The following NCALD variants were observed in gnomAD, a reference collection of about 807,000 sequenced individuals.
NCALD encodes the protein neurocalcin-delta.
A neutral mutation model predicts 18.6 loss-of-function variants in NCALD; 10 were observed. The observed-to-expected ratio is 0.54, with a 90% CI of 0.33 to 0.91. The LOEUF (loss-of-function observed/expected upper bound fraction) is 0.91. Ranked by LOEUF, NCALD falls within the 40% of genes least tolerant of loss-of-function variation. The pLI is 0.03. For synonymous variants in NCALD, 88 were observed against 87.4 expected, an observed-to-expected ratio of 1.01 and a Z score of -0.04; for missense variants, 184 against 247.6, an observed-to-expected ratio of 0.74 and a Z score of 1.72.
chr8:101,940,714 A>T (rs1168269024), intron 2 of NCALD, among the ~76,000 whole-genome samples: 1 of 152,180 alleles, frequency 6.6e-6, no homozygotes, highest in Non-Finnish European at 1.5e-5. Flanking sequence ...GACAAAAGAC[A>T]CTATAAAGCA....
chr8:101,984,156 T>C (rs1029824904), intron 2 of NCALD, among the ~76,000 whole-genome samples: 1 of 152,188 alleles, frequency 6.6e-6, no homozygotes, highest in Non-Finnish European at 1.5e-5. Flanking sequence ...CCTTATTACT[T>C]GGACAGTTCT....
In NCALD at chr8:101,776,851, G is replaced by A. The variant is rs146761251; in HGVS notation, c.-20+14011C>T. The stretch of plus-strand genomic sequence containing the variant: ...TACTGACACCTATTGAACTGCGGAC[G>A]CAACCTTTCTGCTAAAACAAAACAG... On this transcript the variant is annotated intron_variant, in intron 1 of 3. Transcript: ENST00000220931. 5.8e-3 allele frequency among the ~76,000 whole-genome samples: 881 copies of A among 152,228 alleles called. 6 individuals carry two copies. The highest frequency in any genetic ancestry group is 0.033 in the East Asian group (172 of 5,178).
At chr8:101,798,607 A>C (rs373536297) in intron 4 of NCALD, among the ~76,000 whole-genome samples, 2 of 152,352 alleles carry the variant, frequency 1.3e-5, no homozygotes, top group South Asian at 4.1e-4. Context: ...GAATTAACAC[A>C]ATTCTAATCA....
At chr8:101,817,508 T>C (rs931603131) in intron 4 of NCALD, among the ~76,000 whole-genome samples, 1 of 151,728 alleles carries the variant, frequency 6.6e-6, no homozygotes, top group African/African-American at 2.4e-5. Context: ...TCTGACAGCA[T>C]AAATAATGCA....
chr8:101,715,155 A>G (rs552456772), intron 2 of NCALD, among the ~76,000 whole-genome samples: 69 of 152,308 alleles, frequency 4.5e-4, no homozygotes, highest in African/African-American at 1.7e-3. Context: ...AACAGAACAG[A>G]GGCCTCAAAA....
At chr8:102,098,301 T>C (rs7837308) in intron 1 of NCALD, among the ~76,000 whole-genome samples, 36,373 of 151,978 alleles carry the variant, frequency 0.24, 4,634 homozygotes, top group African/African-American at 0.28. Flanking sequence ...GAGAGAGCAA[T>C]TGGGGTATTT....
At chr8:101,810,762 A>C (rs1743233151) in intron 4 of NCALD, among the ~76,000 whole-genome samples, 1 of 152,146 alleles carries the variant, frequency 6.6e-6, no homozygotes, top group Non-Finnish European at 1.5e-5. Context: ...AGAGCTGCTA[A>C]TGCCTATTTC....
At chr8:101,770,526 G>GC (rs1208879218) in intron 1 of NCALD, among the ~76,000 whole-genome samples, 2 of 152,034 alleles carry the variant, frequency 1.3e-5, no homozygotes, top group Non-Finnish European at 2.9e-5. Context: ...CAAACTCCTG[G>GC]GGGGGCTTCC....
At chr8:101,994,738 C>A (rs979499045) in intron 2 of NCALD, among the ~76,000 whole-genome samples, 2 of 152,190 alleles carry the variant, frequency 1.3e-5, no homozygotes, top group Admixed American at 6.5e-5. Flanking sequence ...GCTCATTACT[C>A]TCAATGATGA....
At chr8:102,000,096 C>T (rs1300060404) in intron 2 of NCALD, among the ~76,000 whole-genome samples, 2 of 152,166 alleles carry the variant, frequency 1.3e-5, no homozygotes, top group African/African-American at 4.8e-5. Flanking sequence ...CATTGCCTCA[C>T]CCAGGAAGTG....
At position 101,768,617 on chromosome 8, in the gene NCALD, G is replaced by A. The variant is rs149777876; in HGVS notation, c.-20+22245C>T. 3.4e-3 allele frequency among the ~76,000 whole-genome samples: 520 copies of A among 151,932 alleles called. 5 individuals carry two copies. The highest frequency in any genetic ancestry group is 0.012 in the African/African-American group (499 of 41,448). On this transcript the variant is annotated intron_variant, in intron 1 of 3. Transcript: ENST00000220931. ...CCAGCTACTTGGGAGGCTGAGGCAC[G>A]AGAATTGCTTGAACCCGGGAGGCGG...
chr8:101,876,627 C>A (rs1816238824), intron 4 of NCALD, among the ~76,000 whole-genome samples: 1 of 152,178 alleles, frequency 6.6e-6, no homozygotes, highest in South Asian at 2.1e-4. Context: ...ACCCACTCTG[C>A]CAAGCCACAG....
chr8:101,982,543 A>G (rs1820659313), intron 2 of NCALD, among the ~76,000 whole-genome samples: 1 of 152,202 alleles, frequency 6.6e-6, no homozygotes, highest in Non-Finnish European at 1.5e-5. Context: ...GATTTCTCAT[A>G]CATAAAAAAT....
intron 4 of NCALD, among the ~76,000 whole-genome samples, chr8:101,877,110 T>C (rs1281384192): frequency 6.6e-6 from 1 of 152,246 alleles, no homozygotes; most frequent in African/African-American, 2.4e-5. Context: ...TCAGCTATTG[T>C]ATATGTAGCA....
At chr8:101,696,834 A>C (rs924709193) in intron 2 of NCALD, among the ~76,000 whole-genome samples, 1 of 152,164 alleles carries the variant, frequency 6.6e-6, no homozygotes, top group Non-Finnish European at 1.5e-5. Context: ...CTAAATGCCC[A>C]CATCAGAAAG....
At chr8:102,123,454 G>T (rs1826001591) in intron 1 of NCALD, among the ~76,000 whole-genome samples, 1 of 89,576 alleles carries the variant, frequency 1.1e-5, no homozygotes. Flanking sequence ...AGCATCTGCA[G>T]CATTAGAAAA....
intron 4 of NCALD, among the ~76,000 whole-genome samples, chr8:101,863,503 T>C (rs1815631026): frequency 6.6e-6 from 1 of 152,124 alleles, no homozygotes; most frequent in African/African-American, 2.4e-5. Flanking sequence ...ATCAACTGCC[T>C]TCTCCCACCA....
intron 4 of NCALD, among the ~76,000 whole-genome samples, chr8:101,855,073 G>T (rs1281897212): frequency 3.3e-5 from 5 of 152,124 alleles, no homozygotes; most frequent in Non-Finnish European, 5.9e-5. Context: ...GCGGAGGGAG[G>T]AAGAAGAGGA....
chr8:101,939,950 T>A (rs1818896505), intron 2 of NCALD, among the ~76,000 whole-genome samples: 1 of 152,206 alleles, frequency 6.6e-6, no homozygotes, highest in African/African-American at 2.4e-5. Flanking sequence ...CATGGGTGCT[T>A]TTCTCATCAT....
Sources: gnomAD v4.1 joint callset for allele counts (sites outside exome capture counted in the v4.1 genomes callset) on GRCh38, gnomAD v4.1.1 for gene constraint, MANE v1.5 for transcripts, NCBI Gene and HGNC (gene_info 2026-07-23, HGNC 2026-07-21) for gene names.